The following AKR1C8 variants were observed in gnomAD, a reference collection of about 807,000 sequenced individuals.
AKR1C8 encodes the protein aldo-keto reductase family 1 member C8.
chr10:5,154,166 A>G, the AKR1C8 span: 1 of 470,500 alleles, frequency 2.1e-6, no homozygotes, highest in East Asian at 6.9e-5. Context: ...AATGGAAAAT[A>G]AGGGTGATTA....
the AKR1C8 span, among the ~76,000 whole-genome samples, chr10:5,129,626 A>G: frequency 2.6e-5 from 4 of 152,180 alleles, no homozygotes; most frequent in East Asian, 5.8e-4. Flanking sequence ...AAATCATTCA[A>G]GACAACTAAG....
the AKR1C8 span, among the ~76,000 whole-genome samples, chr10:5,139,161 C>CAAACA: frequency 2.7e-5 from 4 of 149,642 alleles, no homozygotes; most frequent in Admixed American, 1.3e-4. Flanking sequence ...AAAGAGGACA[C>CAAACA]AATGGAAGGA....
chr10:5,176,082 G>T, the AKR1C8 span, among the ~76,000 whole-genome samples: 1 of 151,806 alleles, frequency 6.6e-6, no homozygotes, highest in Non-Finnish European at 1.5e-5. Flanking sequence ...TAATGCCTAG[G>T]TTTTCTTCTA....
the AKR1C8 span, among the ~76,000 whole-genome samples, chr10:5,116,932 C>G: frequency 6.6e-6 from 1 of 152,216 alleles, no homozygotes; most frequent in Non-Finnish European, 1.5e-5. Context: ...TTTTCCCACA[C>G]TTGTTGGCCG....
the AKR1C8 span, among the ~76,000 whole-genome samples, chr10:5,132,971 A>G: frequency 2.0e-5 from 3 of 152,208 alleles, no homozygotes; most frequent in African/African-American, 7.2e-5. Flanking sequence ...CTTCAATCCC[A>G]GGTAATTCCT....
the AKR1C8 span, chr10:5,132,619 T>A: frequency 6.3e-7 from 1 of 1,583,676 alleles, no homozygotes; most frequent in Non-Finnish European, 8.6e-7. Flanking sequence ...GTGTAGAATA[T>A]GTCTTCTCTC....
the AKR1C8 span, among the ~76,000 whole-genome samples, chr10:5,124,978 C>G: frequency 6.6e-6 from 1 of 151,128 alleles, no homozygotes; most frequent in African/African-American, 2.4e-5. Flanking sequence ...CAGAAAAGTA[C>G]CTTTTGAAAA....
chr10:5,175,886 C>T, the AKR1C8 span, among the ~76,000 whole-genome samples: 2 of 152,076 alleles, frequency 1.3e-5, no homozygotes, highest in Non-Finnish European at 2.9e-5. Context: ...AGCCCTTTGT[C>T]AGATGAGTAG....
At chr10:5,168,225 G>A in the AKR1C8 span, among the ~76,000 whole-genome samples, 2 of 151,884 alleles carry the variant, frequency 1.3e-5, no homozygotes, top group African/African-American at 4.8e-5. Context: ...ATCTTTGTAA[G>A]CATTATAAAA....
chr10:5,156,111 A>G, the AKR1C8 span, among the ~76,000 whole-genome samples: 1 of 152,210 alleles, frequency 6.6e-6, no homozygotes, highest in South Asian at 2.1e-4. Flanking sequence ...GGACATGTCC[A>G]CACTTGGTCA....
At chr10:5,163,735 C>T in the AKR1C8 span, among the ~76,000 whole-genome samples, 1 of 152,144 alleles carries the variant, frequency 6.6e-6, no homozygotes, top group Admixed American at 6.5e-5. Flanking sequence ...ATCTCTGGCC[C>T]ATTCGGATAA....
At chr10:5,128,516 C>A in the AKR1C8 span, among the ~76,000 whole-genome samples, 1,255 of 151,972 alleles carry the variant, frequency 8.3e-3, 15 homozygotes, top group African/African-American at 0.028. Flanking sequence ...AATCACAAAC[C>A]AAATACCTGC....
the AKR1C8 span, among the ~76,000 whole-genome samples, chr10:5,143,198 C>T: frequency 2.5e-4 from 38 of 152,202 alleles, 1 homozygote; most frequent in South Asian, 7.7e-3. Flanking sequence ...TATTAGCTGA[C>T]GTTTCTGATA....
At chr10:5,167,345 T>A in the AKR1C8 span, among the ~76,000 whole-genome samples, 3 of 152,204 alleles carry the variant, frequency 2.0e-5, no homozygotes, top group Non-Finnish European at 2.9e-5. Flanking sequence ...ATATGTTTAT[T>A]GCGGCACTAT....
the AKR1C8 span, among the ~76,000 whole-genome samples, chr10:5,183,781 G>A: frequency 6.6e-6 from 1 of 151,634 alleles, no homozygotes; most frequent in Non-Finnish European, 1.5e-5. Flanking sequence ...TACACACACA[G>A]ATAAGGAAAC....
the AKR1C8 span, among the ~76,000 whole-genome samples, chr10:5,156,216 C>A: frequency 1.6e-4 from 25 of 152,230 alleles, no homozygotes; most frequent in African/African-American, 6.0e-4. Context: ...ATCTGTTTGC[C>A]TCAGAAAAAG....
At chr10:5,145,225 C>T in the AKR1C8 span, among the ~76,000 whole-genome samples, 2 of 151,994 alleles carry the variant, frequency 1.3e-5, no homozygotes, top group Non-Finnish European at 2.9e-5. Context: ...AAACGTTAGA[C>T]CTAAAACCAT....
chr10:5,164,628 A>G, the AKR1C8 span, among the ~76,000 whole-genome samples: 1 of 152,114 alleles, frequency 6.6e-6, no homozygotes, highest in Non-Finnish European at 1.5e-5. Context: ...TGCCAGCCTT[A>G]CAAGACTCAG....
chr10:5,178,482 G>C, the AKR1C8 span, among the ~76,000 whole-genome samples: 1 of 152,164 alleles, frequency 6.6e-6, no homozygotes, highest in Admixed American at 6.5e-5. Context: ...GAGTTCTGTA[G>C]ATGTCTATTA....
Sources: gnomAD v4.1 joint callset for allele counts (sites outside exome capture counted in the v4.1 genomes callset) on GRCh38, gnomAD v4.1.1 for gene constraint, MANE v1.5 for transcripts, NCBI Gene and HGNC (gene_info 2026-07-23, HGNC 2026-07-21) for gene names.